PRELID2: variants seen among roughly 807,000 people sequenced by gnomAD.
The protein encoded by PRELID2 is PRELI domain containing 2, also known as PRELI domain-containing protein 2.
PRELID2 carries 25 observed loss-of-function variants against 28.4 expected under a neutral mutation model. The observed-to-expected ratio is 0.88, with a 90% CI of 0.64 to 1.23. The LOEUF (loss-of-function observed/expected upper bound fraction) is 1.23. PRELID2 is among the 50% of genes most tolerant of loss of function. PRELID2 has a pLI of 0.00. For missense variants in PRELID2, 201 were observed against 214.4 expected (o/e 0.94, Z 0.39); for synonymous variants, 76 against 71.6 (o/e 1.06, Z -0.31).
the PRELID2 span, among the ~76,000 whole-genome samples, chr5:145,350,931 G>A: frequency 6.6e-6 from 1 of 152,166 alleles, no homozygotes; most frequent in Non-Finnish European, 1.5e-5. Flanking sequence ...TATTGATCAT[G>A]ATGAAGATAT....
the PRELID2 span, among the ~76,000 whole-genome samples, chr5:145,312,966 A>G: frequency 6.6e-6 from 1 of 152,154 alleles, no homozygotes; most frequent in Non-Finnish European, 1.5e-5. Context: ...AGAAATCTAT[A>G]AATTCAGTGC....
At chr5:145,400,007 A>C in the PRELID2 span, among the ~76,000 whole-genome samples, 1 of 152,164 alleles carries the variant, frequency 6.6e-6, no homozygotes, top group Admixed American at 6.5e-5. Flanking sequence ...GGATGGGGAC[A>C]CAGCCAAACC....
chr5:145,255,393 A>G, the PRELID2 span, among the ~76,000 whole-genome samples: 1 of 152,148 alleles, frequency 6.6e-6, no homozygotes, highest in Non-Finnish European at 1.5e-5. Flanking sequence ...AATAAAAACT[A>G]TAGTAAAAAC....
intron 1 of PRELID2, 90 bp downstream of exon 1, chr5:145,835,087 C>A: frequency 1.2e-6 from 1 of 860,818 alleles, no homozygotes. Context: ...GAGACACTGG[C>A]GGTGCCAGCT....
At chr5:145,520,321 C>A (rs1366319300) in intron 1 of PRELID2, among the ~76,000 whole-genome samples, 1 of 152,116 alleles carries the variant, frequency 6.6e-6, no homozygotes, top group African/African-American at 2.4e-5. Flanking sequence ...GCAGGAAATC[C>A]TCTCTATAAA....
intron 1 of PRELID2, among the ~76,000 whole-genome samples, chr5:145,580,366 G>A (rs981313583): frequency 1.4e-4 from 22 of 152,086 alleles, no homozygotes; most frequent in African/African-American, 5.3e-4. Context: ...ACTCACTTCA[G>A]TGTTCATGGA....
intron 1 of PRELID2, among the ~76,000 whole-genome samples, chr5:145,717,399 AAAATGGT>A: frequency 6.6e-6 from 1 of 152,264 alleles, no homozygotes; most frequent in African/African-American, 2.4e-5. Context: ...TGTACACTTT[AAAATGGT>A]TAATTTTATG....
intron 1 of PRELID2, among the ~76,000 whole-genome samples, chr5:145,561,619 T>G (rs1752926380): frequency 6.6e-6 from 1 of 152,196 alleles, no homozygotes; most frequent in South Asian, 2.1e-4. Context: ...GACAATTTTT[T>G]AGATGAAAAG....
At chr5:145,516,819 T>G (rs1295458629) in intron 1 of PRELID2, among the ~76,000 whole-genome samples, 3 of 150,920 alleles carry the variant, frequency 2.0e-5, no homozygotes, top group Admixed American at 6.6e-5. Context: ...AACAGAGCAC[T>G]CAGAAGTAAT....
intron 1 of PRELID2, among the ~76,000 whole-genome samples, chr5:145,551,697 G>A (rs1752836856): frequency 6.6e-6 from 1 of 152,180 alleles, no homozygotes; most frequent in Admixed American, 6.5e-5. Flanking sequence ...GCAGAAAACA[G>A]ATGGCATACT....
rs80209100 is a variant in PRELID2 at position 145,528,958 on chromosome 5, C to A, written n.71-55643G>T. On this transcript the variant is annotated intron_variant and non_coding_transcript_variant, in intron 1 of 2. Coordinates refer to the PRELID2 transcript ENST00000510259. ...GCTTACTATCAGGCTCTCCTCCATT[C>A]CCCAACTATATCCCTAATCTTTCTA... 8.1e-3 allele frequency among the ~76,000 whole-genome samples: 1,226 copies of A among 152,238 alleles called. 6 individuals are homozygous for A. Among genetic ancestry groups the A allele is most frequent in the Non-Finnish European group, 9.4e-3 (636 of 67,992 alleles).
At chr5:145,462,988 T>C in the PRELID2 span, among the ~76,000 whole-genome samples, 1 of 152,194 alleles carries the variant, frequency 6.6e-6, no homozygotes, top group Non-Finnish European at 1.5e-5. Context: ...CCTTGAGTGA[T>C]ATAAATTAGA....
chr5:145,516,034 A>C (rs1019607551), intron 1 of PRELID2, among the ~76,000 whole-genome samples: 7 of 152,230 alleles, frequency 4.6e-5, no homozygotes, highest in African/African-American at 1.4e-4. Context: ...AGCCAATATC[A>C]TACTGAATGG....
chr5:145,236,361 T>G, the PRELID2 span, among the ~76,000 whole-genome samples: 1 of 152,166 alleles, frequency 6.6e-6, no homozygotes, highest in African/African-American at 2.4e-5. Flanking sequence ...GCTGAGTCAT[T>G]GCAACACCCT....
At chr5:145,243,810 T>C in the PRELID2 span, among the ~76,000 whole-genome samples, 1 of 152,178 alleles carries the variant, frequency 6.6e-6, no homozygotes, top group Non-Finnish European at 1.5e-5. Flanking sequence ...CATTATTATT[T>C]TATAAATGTT....
At chr5:145,405,467 G>T in the PRELID2 span, among the ~76,000 whole-genome samples, 1 of 152,064 alleles carries the variant, frequency 6.6e-6, no homozygotes, top group Non-Finnish European at 1.5e-5. Context: ...AACTTTCTTA[G>T]AGTCCACATA....
At chr5:145,791,844 G>A (rs569027376) in intron 5 of PRELID2, among the ~76,000 whole-genome samples, 10 of 152,262 alleles carry the variant, frequency 6.6e-5, no homozygotes, top group African/African-American at 2.4e-4. Context: ...AAGCAGAAAA[G>A]AGGATACGTC....
chr5:145,784,858 C>T (rs376438976), intron 5 of PRELID2, among the ~76,000 whole-genome samples: 29 of 149,464 alleles, frequency 1.9e-4, no homozygotes, highest in African/African-American at 6.4e-4. Flanking sequence ...AAAAGATCTA[C>T]GTCAAAATGT....
Position 145,835,340 on chromosome 5 carries a change from C to A in PRELID2, c.-89G>T, listed in dbSNP as rs544985334. ...CCGCAGAGGCCCGGAGGCGCCCACA[C>A]TCGGACAGCCACATGGGCGTGGCCT... On this transcript the variant is annotated 5_prime_UTR_variant, in exon 1 of 7. Transcript: ENST00000683046. 98 of 790,832 alleles carry A rather than the reference C, an allele frequency of 1.2e-4. No individual in the cohort carries two copies. The African/African-American group carries it at 1.6e-3, about 13-fold the overall frequency. 49.0% of individuals were successfully genotyped at this position (790,832 alleles called of 1,614,324 possible). A position where few individuals can be genotyped will look rare whatever the true frequency, so the allele number is the denominator to read the frequency against.
Sources: allele counts gnomAD v4.1 joint callset (sites outside exome capture counted in the v4.1 genomes callset), GRCh38; gene constraint gnomAD v4.1.1; transcripts MANE v1.5; gene names NCBI Gene and HGNC (gene_info 2026-07-23, HGNC 2026-07-21).